Variants in DNMBP observed in about 807,000 individuals in gnomAD.
DNMBP encodes the protein dynamin-binding protein.
Under a neutral mutation model 150.0 loss-of-function variants are expected in DNMBP, and 87 were observed. That is an observed-to-expected ratio of 0.58 (90% CI 0.49 to 0.69). The LOEUF is 0.69. Among genes scored for constraint, DNMBP ranks in the 30% least tolerant of loss-of-function variants. The pLI, the probability that DNMBP is intolerant of heterozygous loss-of-function variation, is 0.00. For missense variants in DNMBP, 1,774 were observed against 1,949.0 expected, an observed-to-expected ratio of 0.91 and a Z score of 1.69; for synonymous variants, 711 against 750.4, an observed-to-expected ratio of 0.95 and a Z score of 0.86.
At chr10:99,996,808 ATT>A (rs1259945233) in intron 1 of DNMBP, among the ~76,000 whole-genome samples, 7 of 152,200 alleles carry the variant, frequency 4.6e-5, no homozygotes, top group Non-Finnish European at 7.3e-5. Context: ...AACAATTTTC[ATT>A]CTTTTCACTT....
At chr10:99,889,079 T>C (rs898980627) in intron 11 of DNMBP, 126 bp from the exon 12 acceptor site, 3 of 1,111,264 alleles carry the variant, frequency 2.7e-6, no homozygotes, top group Non-Finnish European at 3.8e-6. Flanking sequence ...CTAACTAGTC[T>C]GGTATTTTAG....
intron 4 of DNMBP, among the ~76,000 whole-genome samples, chr10:99,913,465 T>C (rs932537780): frequency 5.3e-5 from 8 of 152,154 alleles, no homozygotes; most frequent in African/African-American, 1.7e-4. Flanking sequence ...AAAAGTGCCC[T>C]GTGCAGACTC....
chr10:99,988,732 G>A (rs1376910564), intron 1 of DNMBP, among the ~76,000 whole-genome samples: 2 of 151,994 alleles, frequency 1.3e-5, no homozygotes, highest in Non-Finnish European at 2.9e-5. Context: ...TTCAATCTTG[G>A]CTCACTGCAA....
chr10:99,877,310 C>T lies in DNMBP; in HGVS notation c.4575G>A (p.Lys1525=). ...NQVYFAVYTF[K]ARNPNELSVS... is the part of the protein sequence containing the mutation. ...CGCTCAGCTCATTTGGGTTTCGTGC[C>T]TTGAAGGTGTAGACAGCAAAATAGA... is the stretch of plus-strand genomic sequence containing the variant. Residue 1525 remains lysine (K), a synonymous_variant, in exon 17 of 17, where the codon AAG becomes AAA. Coordinates refer to ENST00000324109, the MANE Select transcript of DNMBP (RefSeq NM_015221.4). 6.2e-7 allele frequency: 1 copy of T among 1,613,148 alleles called. No individual in the cohort carries two copies. Among genetic ancestry groups the T allele is most frequent in the Non-Finnish European group, 8.5e-7 (1 of 1,179,638 alleles).
At chr10:99,976,602 G>A (rs2040730211) in intron 1 of DNMBP, among the ~76,000 whole-genome samples, 1 of 152,154 alleles carries the variant, frequency 6.6e-6, no homozygotes, top group African/African-American at 2.4e-5. Flanking sequence ...AAGTAAACAA[G>A]CTCTAAATGC....
In DNMBP at chr10:99,956,488, T is replaced by A. The variant is rs755586547; in HGVS notation, c.986A>T (p.Glu329Val). 3.1e-6 allele frequency: 5 copies of A among 1,614,028 alleles called. No homozygotes were observed. Among genetic ancestry groups the A allele is most frequent in the South Asian group, 2.2e-5 (2 of 91,082 alleles). The change falls in exon 4 of 17, where the codon GAG (glutamate) becomes GTG (valine). Residue 329 changes from glutamate (E) to valine (V), a missense_variant. Around this residue, in one of 2 missense-constraint regions of DNMBP, gnomAD observed 344 missense variants for 456.6 expected, o/e 0.75. Coordinates refer to ENST00000324109, the MANE Select transcript of DNMBP (RefSeq NM_015221.4). ...TTGTTCCTCTACTCCTAAGGTGTTC[T>A]CCAAACAATCCAAAGAAGTTTCCGG... ...RIPETSLDCL[E>V]NTLGVEEQRH...
At chr10:99,954,297 C>T (rs778965128) in intron 4 of DNMBP, among the ~76,000 whole-genome samples, 13 of 152,108 alleles carry the variant, frequency 8.5e-5, no homozygotes, top group African/African-American at 2.2e-4. Flanking sequence ...CGCAGCCTTC[C>T]GAAGTGCTGG....
At chr10:99,957,501 T>C (rs568595396) in intron 3 of DNMBP, 1 of 360,804 alleles carries the variant, frequency 2.8e-6, no homozygotes, top group African/African-American at 2.1e-5. Context: ...TATTTTACTC[T>C]GCTGACTTTT....
intron 11 of DNMBP, among the ~76,000 whole-genome samples, chr10:99,890,375 T>TCAA (rs1301709675): frequency 6.6e-6 from 1 of 152,222 alleles, no homozygotes; most frequent in African/African-American, 2.4e-5. Flanking sequence ...ACAAAACTAT[T>TCAA]CAACATTTTC....
rs761437921 is a variant in DNMBP at position 99,885,769 on chromosome 10, G to A, written c.3716C>T (p.Pro1239Leu). Residue 1239 changes from proline (P) to leucine (L), a missense_variant, in exon 14 of 17, where the codon CCG becomes CTG. Physicochemically the swap from Pro to Leu is moderately conservative, Grantham distance 98. Around this residue, in one of 2 missense-constraint regions of DNMBP, gnomAD observed 1,430 missense variants for 1,492.5 expected, o/e 0.96. Coordinates refer to ENST00000324109, the MANE Select transcript of DNMBP (RefSeq NM_015221.4). Reference protein sequence around the residue: ...LQQLQVFTFFPESLPATKKPF... With the variant: ...LQQLQVFTFFLESLPATKKPF... ...CTTCTTGGTAGCTGGAAGAGACTCC[G>A]GGAAGAAGGTAAAAACCTGGAGTTG... The A allele has an allele frequency of 3.2e-5, 52 of 1,608,674 alleles. No homozygotes were observed. Among genetic ancestry groups the A allele is most frequent in the Non-Finnish European group, 3.9e-5 (46 of 1,177,388 alleles).
intron 3 of DNMBP, among the ~76,000 whole-genome samples, chr10:99,958,945 T>C (rs533412738): frequency 6.6e-6 from 1 of 152,374 alleles, no homozygotes; most frequent in East Asian, 1.9e-4. Flanking sequence ...CAACGATGAA[T>C]ATTTGCAATT....
chr10:100,000,868 A>C (rs868323789), intron 1 of DNMBP, among the ~76,000 whole-genome samples: 8,155 of 144,658 alleles, frequency 0.056, 360 homozygotes, highest in South Asian at 0.16. Context: ...GCAAAAAAAA[A>C]AAAAAAAAAA....
intron 1 of DNMBP, among the ~76,000 whole-genome samples, chr10:99,974,809 C>T (rs2040711648): frequency 6.6e-6 from 1 of 152,176 alleles, no homozygotes; most frequent in African/African-American, 2.4e-5. Context: ...GGGTCCTATT[C>T]TGAGGCCCAG....
chr10:99,998,074 A>T (rs1474718963), intron 1 of DNMBP, among the ~76,000 whole-genome samples: 1 of 151,588 alleles, frequency 6.6e-6, no homozygotes, highest in East Asian at 1.9e-4. Flanking sequence ...TCTCTACTAA[A>T]AATACAAAAA....
intron 3 of DNMBP, among the ~76,000 whole-genome samples, chr10:99,965,137 C>T (rs1205550386): frequency 6.6e-6 from 1 of 152,076 alleles, no homozygotes; most frequent in Non-Finnish European, 1.5e-5. Context: ...ATTTACTGAG[C>T]GCTTACCTAC....
chr10:99,975,513 A>G (rs2040718890), intron 1 of DNMBP, among the ~76,000 whole-genome samples: 1 of 152,200 alleles, frequency 6.6e-6, no homozygotes, highest in African/African-American at 2.4e-5. Context: ...CTGTCAAGCA[A>G]AAGTAGGTTA....
At chr10:99,930,959 C>G in intron 4 of DNMBP, 1 of 479,436 alleles carries the variant, frequency 2.1e-6, no homozygotes, top group Non-Finnish European at 3.6e-6. Context: ...ATCCAATCAG[C>G]GAGCTACTCT....
intron 14 of DNMBP, among the ~76,000 whole-genome samples, chr10:99,884,595 A>C (rs1256449876): frequency 1.3e-5 from 2 of 152,178 alleles, no homozygotes; most frequent in Non-Finnish European, 2.9e-5. Flanking sequence ...GAAAGCAAGG[A>C]AGTCATAAGA....
intron 4 of DNMBP, among the ~76,000 whole-genome samples, chr10:99,944,071 C>G (rs1280058093): frequency 1.3e-5 from 2 of 152,166 alleles, no homozygotes; most frequent in Non-Finnish European, 1.5e-5. Flanking sequence ...CTGACTCACT[C>G]TGTAGTTTGG....
Sources: allele counts gnomAD v4.1 joint callset (sites outside exome capture counted in the v4.1 genomes callset), GRCh38; gene constraint gnomAD v4.1.1; regional missense constraint gnomAD v4.1.1; transcripts MANE v1.5; gene names NCBI Gene and HGNC (gene_info 2026-07-23, HGNC 2026-07-21).